CFAP44: variants seen among roughly 807,000 people sequenced by gnomAD.
CFAP44 encodes the protein cilia and flagella associated protein 44.
A neutral mutation model predicts 216.2 loss-of-function variants in CFAP44; 134 were observed. The ratio of observed to expected loss-of-function variants is 0.62; its 90% CI spans 0.54 to 0.72. The LOEUF (loss-of-function observed/expected upper bound fraction) is 0.72, where lower values mean the gene tolerates loss of function less well. Among genes scored for constraint, CFAP44 ranks in the 30% least tolerant of loss-of-function variants. The pLI, the probability that CFAP44 is intolerant of heterozygous loss-of-function variation, is 0.00. For missense variants in CFAP44, 2,035 were observed against 2,182.1 expected, an observed-to-expected ratio of 0.93 and a Z score of 1.34; for synonymous variants, 700 against 727.6, an observed-to-expected ratio of 0.96 and a Z score of 0.61.
intron 28 of CFAP44, among the ~76,000 whole-genome samples, chr3:113,309,062 A>C (rs187549739): frequency 4.0e-5 from 6 of 151,624 alleles, no homozygotes; most frequent in African/African-American, 1.2e-4. Context: ...GTTGACAAAG[A>C]CTCTCTCCTT....
chr3:113,335,580 T>TGTAG (rs1950275483), intron 24 of CFAP44, among the ~76,000 whole-genome samples: 1 of 152,136 alleles, frequency 6.6e-6, no homozygotes, highest in Non-Finnish European at 1.5e-5. Context: ...GTAGAACAAA[T>TGTAG]AATTCTCATA....
intron 28 of CFAP44, among the ~76,000 whole-genome samples, chr3:113,319,238 A>C (rs980252548): frequency 6.6e-6 from 1 of 152,224 alleles, no homozygotes; most frequent in Non-Finnish European, 1.5e-5. Flanking sequence ...AGGATGGAGA[A>C]AGATCTACCA....
At chr3:113,411,993 C>G (rs1433769777) in intron 6 of CFAP44, among the ~76,000 whole-genome samples, 1 of 151,968 alleles carries the variant, frequency 6.6e-6, no homozygotes, top group Non-Finnish European at 1.5e-5. Context: ...GATTTTGTAT[C>G]CTGAGACTTT....
intron 6 of CFAP44, among the ~76,000 whole-genome samples, chr3:113,410,538 C>A (rs771010702): frequency 2.0e-4 from 31 of 152,122 alleles, no homozygotes; most frequent in South Asian, 4.1e-4. Context: ...TTCTTAATCC[C>A]GTCTATCATT....
At chr3:113,339,800 C>T (rs894370076) in intron 24 of CFAP44, among the ~76,000 whole-genome samples, 4 of 152,206 alleles carry the variant, frequency 2.6e-5, no homozygotes. Flanking sequence ...GGGGCCATTC[C>T]TGTTAACTTT....
chr3:113,296,615 G>A (rs1214793242), intron 33 of CFAP44, 110 bp downstream of exon 33: 12 of 1,290,100 alleles, frequency 9.3e-6, no homozygotes, highest in South Asian at 4.6e-5. Flanking sequence ...AAGGGGGCTC[G>A]CGGACCAGCT....
At chr3:113,374,603 T>C (rs1165609159) in intron 17 of CFAP44, among the ~76,000 whole-genome samples, 1 of 152,022 alleles carries the variant, frequency 6.6e-6, no homozygotes, top group African/African-American at 2.4e-5. Flanking sequence ...TTATTCACAA[T>C]AGCCAAAAGG....
chr3:113,375,507 G>GTAA (rs1559928413), intron 17 of CFAP44, among the ~76,000 whole-genome samples: 1 of 152,180 alleles, frequency 6.6e-6, no homozygotes, highest in African/African-American at 2.4e-5. Flanking sequence ...TGAGAAGGAT[G>GTAA]TAATACACAT....
At chr3:113,426,850 G>C (rs1934972133) in intron 3 of CFAP44, 1 of 257,550 alleles carries the variant, frequency 3.9e-6, no homozygotes, top group African/African-American at 2.3e-5. Context: ...TAAATGCTGA[G>C]TTCTGGTCGG....
At position 113,289,422 on chromosome 3, in the gene CFAP44, G is replaced by A. The variant is rs1949807402; in HGVS notation, c.*2135C>T. On this transcript the variant is annotated 3_prime_UTR_variant, in exon 35 of 35. Coordinates refer to ENST00000393845, the MANE Select transcript of CFAP44 (RefSeq NM_001164496.2). Reference sequence around the variant, plus strand: ...TGTAGGTCCATTCTTGCTGCAATCAGAATCAGAATCTCAGAATGGGAAGGA... The same window carrying A: ...TGTAGGTCCATTCTTGCTGCAATCAAAATCAGAATCTCAGAATGGGAAGGA... The A allele has an allele frequency of 6.6e-6, 1 of 152,166 alleles. No individual in the cohort carries two copies. The highest frequency in any genetic ancestry group is 1.5e-5 in the Non-Finnish European group (1 of 68,042). 9.4% of individuals were successfully genotyped at this position (152,166 alleles called of 1,614,324 possible).
chr3:113,329,982 G>C (rs756263549), intron 26 of CFAP44, among the ~76,000 whole-genome samples, 186 bp downstream of exon 26: 1 of 152,108 alleles, frequency 6.6e-6, no homozygotes, highest in Admixed American at 6.5e-5. Flanking sequence ...GTTCTGGGAA[G>C]AGCACAGTGA....
At chr3:113,300,007 G>A (rs1171872569) in intron 32 of CFAP44, among the ~76,000 whole-genome samples, 2 of 152,220 alleles carry the variant, frequency 1.3e-5, no homozygotes, top group African/African-American at 4.8e-5. Flanking sequence ...CTCCAGCCTG[G>A]AAGACAGAGT....
At chr3:113,357,368 G>T (rs909851905) in intron 22 of CFAP44, among the ~76,000 whole-genome samples, 8 of 152,140 alleles carry the variant, frequency 5.3e-5, no homozygotes, top group African/African-American at 1.9e-4. Context: ...AACATGACTG[G>T]TGTTCTTATA....
chr3:113,337,340 T>C (rs1274689475), intron 24 of CFAP44, among the ~76,000 whole-genome samples: 1 of 152,008 alleles, frequency 6.6e-6, no homozygotes, highest in Non-Finnish European at 1.5e-5. Context: ...ACCATGTCCA[T>C]GGATTAGAAG....
In CFAP44 at chr3:113,400,602, T is replaced by C. The variant is rs376875025; in HGVS notation, c.1417A>G (p.Ile473Val). ...AGAGGAGAAACAGCCACGGCTTCAA[T>C]AGCTCCAGAATGGAAGGAGAAGAGG... ...ECLFSFHSGAIEAVAVSPLTY... is the reference protein window; with the variant it reads ...ECLFSFHSGAVEAVAVSPLTY... Residue 473 changes from isoleucine (I) to valine (V), a missense_variant, in exon 12 of 35, where the codon ATT (isoleucine) becomes GTT (valine). This residue lies in a region of CFAP44 where 1,883 missense variants were observed against 2,023.7 expected (regional missense o/e 0.93). Coordinates refer to ENST00000393845, the MANE Select transcript of CFAP44 (RefSeq NM_001164496.2). The C allele has an allele frequency of 1.9e-6, 3 of 1,610,860 alleles. No homozygotes were observed. In the African/African-American group the frequency reaches 4.0e-5, roughly 22 times the overall value.
chr3:113,368,406 A>G (rs1000108264), intron 18 of CFAP44, among the ~76,000 whole-genome samples: 4 of 152,236 alleles, frequency 2.6e-5, no homozygotes, highest in African/African-American at 9.6e-5. Context: ...CAGAAACCCT[A>G]CAAGCCAGAA....
At chr3:113,401,489 C>A (rs1478009345) in intron 10 of CFAP44, 95 bp downstream of exon 10, 11 of 1,433,922 alleles carry the variant, frequency 7.7e-6, no homozygotes, top group Non-Finnish European at 1.1e-5. Flanking sequence ...ATAACACTTA[C>A]AGTCAAATGG....
At chr3:113,362,004 T>C (rs1979554) in intron 21 of CFAP44, among the ~76,000 whole-genome samples, 82,563 of 150,872 alleles carry the variant, frequency 0.55, 24,216 homozygotes, top group African/African-American at 0.76. Flanking sequence ...CACCACACAC[T>C]GAAGGTTCCT....
At chr3:113,381,795 G>GCATTTTCT (rs1482201512) in intron 15 of CFAP44, among the ~76,000 whole-genome samples, 2 of 152,108 alleles carry the variant, frequency 1.3e-5, no homozygotes, top group Non-Finnish European at 2.9e-5. Flanking sequence ...TTCTTAAGTG[G>GCATTTTCT]TAGGGATAAA....
Sources: allele counts gnomAD v4.1 joint callset (sites outside exome capture counted in the v4.1 genomes callset), GRCh38; gene constraint gnomAD v4.1.1; regional missense constraint gnomAD v4.1.1; transcripts MANE v1.5; gene names NCBI Gene and HGNC (gene_info 2026-07-23, HGNC 2026-07-21).